The following HSP90AA1 variants were observed in gnomAD, a reference collection of about 807,000 sequenced individuals.
HSP90AA1 encodes heat shock protein HSP 90-alpha.
HSP90AA1 carries 18 observed loss-of-function variants against 73.3 expected under a neutral mutation model. That is an observed-to-expected ratio of 0.25 (90% CI 0.17 to 0.36). The LOEUF is 0.36. HSP90AA1 is among the 10% of genes least tolerant of loss of function. HSP90AA1 has a pLI of 1.00. For missense variants in HSP90AA1, 704 were observed against 874.2 expected, an observed-to-expected ratio of 0.81 and a Z score of 2.45; for synonymous variants, 477 against 296.9, an observed-to-expected ratio of 1.61 and a Z score of -6.24.
Position 102,083,374 on chromosome 14 carries a change from T to G in HSP90AA1, c.1487-72A>C, listed in dbSNP as rs1196675882. ...GGTTTCATCTAGCTCTGACTTTTCT[T>G]GCTAGCCAGATACCTAGGCAGAACC... On this transcript the variant is annotated intron_variant, in intron 8 of 10. Coordinates refer to ENST00000216281, the MANE Select transcript of HSP90AA1 (RefSeq NM_005348.4). 1.0e-5 allele frequency: 16 copies of G among 1,552,546 alleles called. 1 individual carries two copies. The highest frequency in any genetic ancestry group is 1.3e-5 in the Non-Finnish European group (15 of 1,125,098).
intron 1 of HSP90AA1, among the ~76,000 whole-genome samples, chr14:102,120,520 CTAACTT>C (rs1208331862): frequency 5.9e-5 from 9 of 152,172 alleles, no homozygotes; most frequent in East Asian, 5.8e-4. Context: ...ACGTATTACT[CTAACTT>C]TAACACAAGA....
chr14:102,099,477 G>C (rs2049466181), intron 2 of HSP90AA1, among the ~76,000 whole-genome samples: 1 of 152,174 alleles, frequency 6.6e-6, no homozygotes, highest in East Asian at 1.9e-4. Context: ...AGAATCACTT[G>C]GATCTGGGAG....
At chr14:102,128,076 A>G (rs1264669214) in intron 1 of HSP90AA1, among the ~76,000 whole-genome samples, 1 of 152,144 alleles carries the variant, frequency 6.6e-6, no homozygotes, top group Non-Finnish European at 1.5e-5. Context: ...CTCATACTAC[A>G]TGGGAGGAGG....
rs34158504 is a variant in HSP90AA1, at chr14:102,083,784, T to C, written c.1338+9A>G. On this transcript the variant is annotated intron_variant, in intron 7 of 10. Coordinates refer to ENST00000216281, the MANE Select transcript of HSP90AA1 (RefSeq NM_005348.4). The stretch of plus-strand genomic sequence containing the variant: ...GCCAATTGGAAAACTAATGGTTATT[T>C]ACACCAACCTTTATGTTTTTAGAGA... 1.0e-3 allele frequency: 1,619 copies of C among 1,608,908 alleles called. 13 individuals carry two copies. In the African/African-American group the frequency reaches 0.019, roughly 19 times the overall value.
rs770739846 is a variant in HSP90AA1, at chr14:102,081,759, G to A, written c.2152C>T (p.Pro718Ser). The A allele has an allele frequency of 1.3e-6, 2 of 1,598,044 alleles. No individual in the cohort carries two copies. The highest frequency in any genetic ancestry group is 1.7e-6 in the Non-Finnish European group (2 of 1,165,430). The change falls in exon 11 of 11, where the codon CCC becomes TCC. Residue 718 changes from proline (P) to serine (S), a missense_variant. Pro to Ser is a moderately conservative substitution (Grantham distance 74). Coordinates refer to ENST00000216281, the MANE Select transcript of HSP90AA1 (RefSeq NM_005348.4). ...GATGTGTCGTCATCTCCTTCAAGGG[G>A]TGGCATTTCTTCAGTTACAGCAGCA... Reference protein sequence around the residue: ...TSAAVTEEMPPLEGDDDTSRM... With the variant: ...TSAAVTEEMPSLEGDDDTSRM...
At chr14:102,103,384 T>C (rs1322052119) in intron 1 of HSP90AA1, among the ~76,000 whole-genome samples, 4 of 151,912 alleles carry the variant, frequency 2.6e-5, no homozygotes, top group Admixed American at 1.3e-4. Flanking sequence ...GTCTGGCTAA[T>C]TTTAAGAAAA....
chr14:102,085,191 T>G, intron 4 of HSP90AA1, 107 bp downstream of exon 4: 1 of 1,423,282 alleles, frequency 7.0e-7, no homozygotes, highest in Non-Finnish European at 9.9e-7. Context: ...GAGCTTAGGT[T>G]CCCCAGGCTT....
exon 1 of HSP90AA1, chr14:102,139,542 C>G: frequency 2.2e-6 from 2 of 916,434 alleles, no homozygotes; most frequent in Non-Finnish European, 3.2e-6. Context: ...CTCAAGTTCA[C>G]CTCAGGCTCA....
At chr14:102,128,219 C>T (rs947327954) in intron 1 of HSP90AA1, among the ~76,000 whole-genome samples, 2 of 151,600 alleles carry the variant, frequency 1.3e-5, no homozygotes, top group Admixed American at 6.6e-5. Context: ...TGGCTGGGCA[C>T]GGTGGCTCAC....
At chr14:102,107,125 C>T (rs1164636645) in intron 1 of HSP90AA1, among the ~76,000 whole-genome samples, 1 of 151,982 alleles carries the variant, frequency 6.6e-6, no homozygotes, top group Non-Finnish European at 1.5e-5. Flanking sequence ...TTGTCAATGA[C>T]AATAATTTCA....
chr14:102,139,726 C>T, upstream of HSP90AA1: 5 of 816,350 alleles, frequency 6.1e-6, no homozygotes, highest in Non-Finnish European at 9.4e-6. Flanking sequence ...GTGGAGCACG[C>T]CAGGTGAGCA....
chr14:102,135,500 G>A (rs1163303129), intron 1 of HSP90AA1, among the ~76,000 whole-genome samples: 6 of 152,282 alleles, frequency 3.9e-5, no homozygotes, highest in Middle Eastern at 3.2e-3. Context: ...CCAGTCCTGC[G>A]CCGTGCGCTC....
chr14:102,120,158 G>A (rs1388869399), intron 1 of HSP90AA1, among the ~76,000 whole-genome samples: 3 of 152,132 alleles, frequency 2.0e-5, no homozygotes, highest in African/African-American at 7.2e-5. Context: ...GAACCCAGGA[G>A]TTCGAGACCA....
intron 1 of HSP90AA1, among the ~76,000 whole-genome samples, chr14:102,103,560 T>C (rs2049523766): frequency 6.6e-6 from 1 of 151,778 alleles, no homozygotes; most frequent in East Asian, 1.9e-4. Context: ...TCCCAGTACG[T>C]TGGGAGGCCG....
rs1301877431 is a variant in HSP90AA1, at chr14:102,085,852, A to T, written c.435T>A (p.Ala145=). 6.2e-7 allele frequency: 1 copy of T among 1,613,940 alleles called. No individual in the cohort carries two copies. Among genetic ancestry groups the T allele is most frequent in the Non-Finnish European group, 8.5e-7 (1 of 1,179,868 alleles). ...GTTTGGTGATCACAGTTACTTTCTC[A>T]GCAACCAAATAAGCAGAATAAAAAC... ...GVGFYSAYLV[A]EKVTVITKHN... Residue 145 remains alanine (A), a synonymous_variant, in exon 3 of 11, where the codon GCT becomes GCA. Coordinates refer to ENST00000216281, the MANE Select transcript of HSP90AA1 (RefSeq NM_005348.4).
intron 1 of HSP90AA1, among the ~76,000 whole-genome samples, chr14:102,107,952 ATT>A (rs3068103): frequency 1.4e-5 from 2 of 147,828 alleles, no homozygotes; most frequent in Non-Finnish European, 3.0e-5. Flanking sequence ...TCTCTCTTAA[ATT>A]TTTTTTTTTT....
intron 1 of HSP90AA1, among the ~76,000 whole-genome samples, chr14:102,135,794 G>C (rs945623427): frequency 1.8e-4 from 28 of 152,244 alleles, no homozygotes; most frequent in Non-Finnish European, 2.2e-4. Flanking sequence ...AGGGCTGGCT[G>C]GCTACTCCAA....
exon 1 of HSP90AA1, chr14:102,139,439 C>G: frequency 6.6e-7 from 1 of 1,508,674 alleles, no homozygotes; most frequent in Non-Finnish European, 8.9e-7. Context: ...CGTGCTGGCT[C>G]CGAAGCGGTG....
chr14:102,130,778 G>A (rs994457883), intron 1 of HSP90AA1, among the ~76,000 whole-genome samples: 6 of 152,166 alleles, frequency 3.9e-5, no homozygotes, highest in African/African-American at 1.4e-4. Context: ...TGCCCAGGCT[G>A]GAGTGTAGTG....
Sources: gnomAD v4.1 joint callset for allele counts (sites outside exome capture counted in the v4.1 genomes callset) on GRCh38, gnomAD v4.1.1 for gene constraint, MANE v1.5 for transcripts, NCBI Gene and HGNC (gene_info 2026-07-23, HGNC 2026-07-21) for gene names.